The following SUFU variants were observed in gnomAD, a reference collection of about 807,000 sequenced individuals.
The protein encoded by SUFU is SUFU negative regulator of hedgehog signaling.
A neutral mutation model predicts 58.9 loss-of-function variants in SUFU; 7 were observed. The ratio of observed to expected loss-of-function variants is 0.12; its 90% confidence interval spans 0.07 to 0.22. SUFU has a LOEUF of 0.22. SUFU is among the 10% of genes least tolerant of loss of function. The pLI, the probability that SUFU is intolerant of heterozygous loss-of-function variation, is 1.00. For missense variants in SUFU, 451 were observed against 641.3 expected, an observed-to-expected ratio of 0.70 and a Z score of 3.20; for synonymous variants, 232 against 254.8, an observed-to-expected ratio of 0.91 and a Z score of 0.85.
chr10:102,624,673 C>G (rs1037690890), intron 10 of SUFU, among the ~76,000 whole-genome samples: 2 of 152,158 alleles, frequency 1.3e-5, no homozygotes, highest in Non-Finnish European at 2.9e-5. Context: ...CAGATGGTGC[C>G]GCGCATGGTC....
chr10:102,555,854 A>G (rs1176723410), intron 3 of SUFU, among the ~76,000 whole-genome samples: 3 of 152,206 alleles, frequency 2.0e-5, no homozygotes, highest in Admixed American at 6.5e-5. Flanking sequence ...ATGCATATGT[A>G]CTGTACAGAA....
chr10:102,560,666 A>T (rs568717367), intron 3 of SUFU, among the ~76,000 whole-genome samples: 1 of 152,288 alleles, frequency 6.6e-6, no homozygotes, highest in Admixed American at 6.5e-5. Flanking sequence ...TCATTTGGAC[A>T]TCTGTCAGGA....
At chr10:102,516,519 G>GA (rs1185664325) in intron 2 of SUFU, among the ~76,000 whole-genome samples, 9 of 151,906 alleles carry the variant, frequency 5.9e-5, no homozygotes, top group Non-Finnish European at 1.0e-4. Context: ...CAACAGTTGG[G>GA]AAAAAACTTG....
At chr10:102,509,989 C>T (rs1208843813) in intron 2 of SUFU, among the ~76,000 whole-genome samples, 3 of 152,072 alleles carry the variant, frequency 2.0e-5, no homozygotes, top group Non-Finnish European at 2.9e-5. Flanking sequence ...CAGGCAAGCA[C>T]CACCATGCCC....
chr10:102,588,947 C>A (rs1008370891), intron 3 of SUFU, among the ~76,000 whole-genome samples: 40 of 151,902 alleles, frequency 2.6e-4, no homozygotes, highest in Admixed American at 2.2e-3. Context: ...TTTTGAGACA[C>A]AGTCTCACTC....
chr10:102,627,743 C>G (rs1438504356), intron 11 of SUFU, among the ~76,000 whole-genome samples: 3 of 152,224 alleles, frequency 2.0e-5, no homozygotes, highest in Non-Finnish European at 4.4e-5. Flanking sequence ...AGCTGTGCCT[C>G]TTAGTCTCCC....
chr10:102,504,211 C>G lies in SUFU; in HGVS notation c.59C>G (p.Pro20Arg). 6.2e-7 allele frequency: 1 copy of G among 1,604,540 alleles called. No homozygotes were observed. Residue 20 changes from proline to arginine, a missense_variant, in exon 1 of 12, where the codon CCG (proline) becomes CGG (arginine). Transcript: ENST00000369902. ...CCCACCGCGCCCCCGGCCCCTGGCC[C>G]GACTGCCCCCCCGGCCTTCGCTTCG... ...PGPTAPPAPG[P>R]TAPPAFASLF...
chr10:102,587,467 C>T (rs556556349), intron 3 of SUFU, among the ~76,000 whole-genome samples: 1 of 152,050 alleles, frequency 6.6e-6, no homozygotes, highest in Non-Finnish European at 1.5e-5. Context: ...TTTTTACTTT[C>T]TTGATGGTAT....
intron 3 of SUFU, among the ~76,000 whole-genome samples, chr10:102,574,884 G>A (rs1235370008): frequency 6.6e-6 from 1 of 152,026 alleles, no homozygotes; most frequent in African/African-American, 2.4e-5. Flanking sequence ...GTGAAACCCT[G>A]TCTGTACTAA....
intron 8 of SUFU, among the ~76,000 whole-genome samples, chr10:102,602,211 G>T (rs2063520397): frequency 6.6e-6 from 1 of 152,146 alleles, no homozygotes. Flanking sequence ...AATGGATGAG[G>T]TACAGAGAGG....
intron 2 of SUFU, among the ~76,000 whole-genome samples, chr10:102,523,729 A>G (rs1031822270): frequency 5.9e-5 from 9 of 152,190 alleles, no homozygotes; most frequent in African/African-American, 9.7e-5. Context: ...CAGAAGGAAG[A>G]TGGTCGCTGA....
intron 3 of SUFU, among the ~76,000 whole-genome samples, chr10:102,589,978 T>C (rs946235619): frequency 6.6e-6 from 1 of 151,956 alleles, no homozygotes; most frequent in Admixed American, 6.6e-5. Context: ...TTTTTTATCA[T>C]GAAAAGGATC....
intron 2 of SUFU, among the ~76,000 whole-genome samples, chr10:102,519,482 A>G (rs1477578432): frequency 6.8e-6 from 1 of 147,130 alleles, no homozygotes; most frequent in Non-Finnish European, 1.5e-5. Context: ...AGCTGAGATC[A>G]TGCCATTGCA....
rs7910191 is a variant in SUFU, at chr10:102,625,865, C to T, written c.1297-1310C>T. Among the ~76,000 whole-genome samples, 6,513 of 152,302 alleles carry T rather than the reference C, an allele frequency of 0.043. 281 individuals carry two copies. The highest frequency in any genetic ancestry group is 0.11 in the African/African-American group (4,678 of 41,524). ...TCCTGTGTGCTCACCTTCCTGTGTG[C>T]ACTCCTTCCTTGTTATCTCACAGCG... On this transcript the variant is annotated intron_variant, in intron 10 of 11. Coordinates refer to ENST00000369902, the MANE Select transcript of SUFU (RefSeq NM_016169.4). The surrounding 1 kb of genome is among the most constrained non-coding windows in gnomAD (Gnocchi z 4.7).
intron 1 of SUFU, among the ~76,000 whole-genome samples, chr10:102,504,751 G>A (rs895905967): frequency 1.3e-5 from 2 of 151,234 alleles, no homozygotes; most frequent in Non-Finnish European, 2.9e-5. Context: ...GGCTTTGGAG[G>A]AGCGAAGCCG....
intron 8 of SUFU, among the ~76,000 whole-genome samples, chr10:102,614,938 G>T (rs1001874899): frequency 1.3e-5 from 2 of 151,018 alleles, no homozygotes; most frequent in Non-Finnish European, 2.9e-5. Flanking sequence ...AATCAGACCT[G>T]CCCGAGACTG....
chr10:102,574,151 T>C (rs914920913), intron 3 of SUFU, among the ~76,000 whole-genome samples: 7 of 152,146 alleles, frequency 4.6e-5, no homozygotes, highest in Admixed American at 3.9e-4. Flanking sequence ...ACCAAGGGGA[T>C]TGGGGACCAT....
chr10:102,629,990 T>A lies in SUFU; in HGVS notation c.1366-76T>A. On this transcript the variant is annotated intron_variant, in intron 11 of 11. Transcript: ENST00000369902. The surrounding 1 kb of genome is among the most constrained non-coding windows in gnomAD (Gnocchi z 4.7). ...ATCCCTAGCTCCCCGGGGACAGGCC[T>A]GGGCAATCTCTGGAAAGACCACGGT... The A allele has an allele frequency of 7.2e-7, 1 of 1,379,380 alleles. No individual in the cohort carries two copies. Among genetic ancestry groups the A allele is most frequent in the Non-Finnish European group, 1.0e-6 (1 of 966,080 alleles). 85.4% of individuals were successfully genotyped at this position (1,379,380 alleles called of 1,614,324 possible).
At chr10:102,569,753 C>A (rs2063141850) in intron 3 of SUFU, among the ~76,000 whole-genome samples, 1 of 152,086 alleles carries the variant, frequency 6.6e-6, no homozygotes, top group Admixed American at 6.6e-5. Context: ...CGTCTCTGAC[C>A]CAACAGCCCC....
Sources: allele counts gnomAD v4.1 joint callset (sites outside exome capture counted in the v4.1 genomes callset), GRCh38; gene constraint gnomAD v4.1.1; non-coding constraint Gnocchi (gnomAD v3.1); transcripts MANE v1.5; gene names NCBI Gene and HGNC (gene_info 2026-07-23, HGNC 2026-07-21).